Variants in CAMSAP3 observed in about 807,000 individuals in gnomAD.
CAMSAP3 encodes calmodulin regulated spectrin associated protein family member 3.
CAMSAP3 carries 34 observed loss-of-function variants against 112.5 expected under a neutral mutation model. The ratio of observed to expected loss-of-function variants is 0.30; its 90% CI spans 0.23 to 0.40. CAMSAP3 has a LOEUF of 0.40. Among genes scored for constraint, CAMSAP3 ranks in the 10% least tolerant of loss-of-function variants. The pLI is 1.00. For synonymous variants in CAMSAP3, 868 were observed against 799.8 expected (o/e 1.09, Z -1.44); for missense variants, 1,602 against 1,770.3 (o/e 0.90, Z 1.71).
intron 14 of CAMSAP3, 36 bp downstream of exon 14, chr19:7,616,658 G>A (rs775210485): frequency 2.3e-5 from 34 of 1,505,794 alleles, no homozygotes; most frequent in African/African-American, 2.7e-5. Flanking sequence ...TTCGTATGCC[G>A]GGTGGCTTCC....
Position 7,616,611 on chromosome 19 carries a change from G to A in CAMSAP3, c.3201G>A (p.Arg1067=). 1 of 1,607,384 alleles carries A rather than the reference G, an allele frequency of 6.2e-7. No individual in the cohort carries two copies. The part of the protein sequence containing the change: ...NEAHNNLGVK[R]PTSRAPSPSG... Reference sequence around the variant, plus strand: ...CCCACAATAACCTCGGGGTGAAGAGGCCCACGTCTCGGTGAGTTTAGCCCG... The same window carrying A: ...CCCACAATAACCTCGGGGTGAAGAGACCCACGTCTCGGTGAGTTTAGCCCG... The change falls in exon 14 of 17, where the codon AGG becomes AGA. Residue 1067 remains arginine, a synonymous_variant. Transcript: ENST00000160298.
chr19:7,611,577 G>A lies in CAMSAP3; in HGVS notation c.1184G>A (p.Arg395Gln), dbSNP rs199938213. ...GAGGCCCTGGGCAAGGCCTGGAACC[G>A]GCAGCTCAGGTGAGTAGACCTCACA... is the stretch of plus-strand genomic sequence containing the variant. ...HMEALGKAWN[R>Q]QLSRPLSQAV... Residue 395 changes from arginine (R) to glutamine (Q), a missense_variant, in exon 10 of 17, where the codon CGG (arginine) becomes CAG (glutamine). By Grantham distance (43) the Arg-to-Gln change is conservative. Around this residue, in one of 6 missense-constraint regions of CAMSAP3, gnomAD observed 1,100 missense variants for 1,135.7 expected, o/e 0.97. Coordinates refer to ENST00000160298, the MANE Select transcript of CAMSAP3 (RefSeq NM_020902.2). The surrounding 1 kb of genome is among the most constrained non-coding windows in gnomAD (Gnocchi z 6.9). 16 of 1,612,310 alleles carry A rather than the reference G, an allele frequency of 9.9e-6. No individual in the cohort carries two copies. In the Middle Eastern group the frequency reaches 1.2e-3, roughly 116 times the overall value.
rs751808920 is a variant in CAMSAP3, at chr19:7,612,439, C to G, written c.1946C>G (p.Ala649Gly). Residue 649 changes from alanine to glycine, a missense_variant, in exon 11 of 17, where the codon GCG (alanine) becomes GGG (glycine). Physicochemically the swap from Ala to Gly is moderately conservative, Grantham distance 60. Coordinates refer to ENST00000160298, the MANE Select transcript of CAMSAP3 (RefSeq NM_020902.2). ...CAGCCGCGGGAAGCCTCTGGGGAGG[C>G]GGAAGCAGAGGCGGAGGAGGCCGAT... Reference protein sequence around the residue: ...QVQPREASGEAEAEAEEADSG... With the variant: ...QVQPREASGEGEAEAEEADSG... The G allele has an allele frequency of 1.6e-5, 25 of 1,589,450 alleles. No homozygotes were observed. Among genetic ancestry groups the G allele is most frequent in the Non-Finnish European group, 1.0e-5 (12 of 1,170,368 alleles).
chr19:7,606,221 T>C (rs751466037), intron 2 of CAMSAP3, 50 bp from the exon 3 acceptor site: 2 of 1,340,356 alleles, frequency 1.5e-6, no homozygotes, highest in Non-Finnish European at 2.0e-6. Flanking sequence ...GGGGCCGAGG[T>C]GCGCCTCCTG....
Position 7,617,234 on chromosome 19 carries a change from T to C in CAMSAP3, c.3213-92T>C. On this transcript the variant is annotated intron_variant, in intron 14 of 16. Coordinates refer to ENST00000160298, the MANE Select transcript of CAMSAP3 (RefSeq NM_020902.2). This position sits in a 1 kb window ranked among gnomAD's most constrained non-coding sequence, Gnocchi z 7.5. ...GCCCAGCCGTGGCCCTTATTTTCCTTGGCCCCTCTGCACATAGGGAAGCTT... is the reference window on the plus strand; with the variant it reads ...GCCCAGCCGTGGCCCTTATTTTCCTCGGCCCCTCTGCACATAGGGAAGCTT... 2 of 903,708 alleles carry C rather than the reference T, an allele frequency of 2.2e-6. No individual in the cohort carries two copies. Among genetic ancestry groups the C allele is most frequent in the East Asian group, 4.9e-5 (2 of 41,182 alleles). 56.0% of individuals were successfully genotyped at this position (903,708 alleles called of 1,614,324 possible).
At chr19:7,596,846 C>G (rs1599336435) in intron 1 of CAMSAP3, among the ~76,000 whole-genome samples, 1 of 152,062 alleles carries the variant, frequency 6.6e-6, no homozygotes, top group East Asian at 1.9e-4. Flanking sequence ...CTGGGGTGGG[C>G]CCCCCGCTCC....
Position 7,615,373 on chromosome 19 carries a change from C to T in CAMSAP3, c.2811-45C>T, listed in dbSNP as rs2030723869. 6.5e-7 allele frequency: 1 copy of T among 1,532,872 alleles called. No individual in the cohort carries two copies. 95.0% of individuals were successfully genotyped at this position (1,532,872 alleles called of 1,614,324 possible). Reference sequence around the variant, plus strand: ...CCGCTCCTTGGCCTGTCTGCCACCGCGGACCCCGTGAGCGGTTCTGATGCC... The same window carrying T: ...CCGCTCCTTGGCCTGTCTGCCACCGTGGACCCCGTGAGCGGTTCTGATGCC... On this transcript the variant is annotated intron_variant, in intron 12 of 16. Transcript: ENST00000160298. The surrounding 1 kb of genome is among the most constrained non-coding windows in gnomAD (Gnocchi z 6.5).
At position 7,611,485 on chromosome 19, in the gene CAMSAP3, T is replaced by C; in HGVS notation, c.1124-32T>C. Reference sequence around the variant, plus strand: ...CTGACCCCACTCAGGGTTCCCAGGGTCCCCATAGTGACCACTCATCGCCTC... The same window carrying C: ...CTGACCCCACTCAGGGTTCCCAGGGCCCCCATAGTGACCACTCATCGCCTC... On this transcript the variant is annotated intron_variant, in intron 9 of 16. Coordinates refer to ENST00000160298, the MANE Select transcript of CAMSAP3 (RefSeq NM_020902.2). This position sits in a 1 kb window ranked among gnomAD's most constrained non-coding sequence, Gnocchi z 6.9. 2 of 1,577,612 alleles carry C rather than the reference T, an allele frequency of 1.3e-6. No homozygotes were observed. The highest frequency in any genetic ancestry group is 1.7e-6 in the Non-Finnish European group (2 of 1,161,288).
At position 7,605,422 on chromosome 19, in the gene CAMSAP3, T is replaced by C; in HGVS notation, c.345T>C (p.Pro115=). The change falls in exon 2 of 17, where the codon CCT becomes CCC. Residue 115 remains proline (P), a synonymous_variant. Transcript: ENST00000160298. ...TGCTGGCGCGGAGGGGCACAGTGCCTGCTTTGCCCGAGCGCCCGGTGCGCG... is the reference window on the plus strand; with the variant it reads ...TGCTGGCGCGGAGGGGCACAGTGCCCGCTTTGCCCGAGCGCCCGGTGCGCG... ...LALLARRGTV[P]ALPERPVREA... is the part of the protein sequence containing the mutation. The C allele has an allele frequency of 6.8e-7, 1 of 1,474,670 alleles. No individual in the cohort carries two copies. Among genetic ancestry groups the C allele is most frequent in the Non-Finnish European group, 9.0e-7 (1 of 1,109,368 alleles). 91.3% of individuals were successfully genotyped at this position (1,474,670 alleles called of 1,614,324 possible).
intron 1 of CAMSAP3, among the ~76,000 whole-genome samples, chr19:7,603,004 G>T (rs931293576): frequency 4.6e-5 from 7 of 151,968 alleles, no homozygotes; most frequent in African/African-American, 1.2e-4. Flanking sequence ...AAGATGAGAG[G>T]GGCAAAAAGA....
rs2030735204 is a variant in CAMSAP3 at position 7,615,524 on chromosome 19, C to T, written c.2917C>T (p.Arg973Trp). The change falls in exon 13 of 17, where the codon CGG (arginine) becomes TGG (tryptophan). Residue 973 changes from arginine to tryptophan, a missense_variant. Physicochemically the swap from Arg to Trp is moderately radical, Grantham distance 101. Around this residue, in one of 6 missense-constraint regions of CAMSAP3, gnomAD observed 1,100 missense variants for 1,135.7 expected, o/e 0.97. Coordinates refer to ENST00000160298, the MANE Select transcript of CAMSAP3 (RefSeq NM_020902.2). The surrounding 1 kb of genome is among the most constrained non-coding windows in gnomAD (Gnocchi z 6.5). ...TCCAGCCGAGGAGGAGGTGGGCCCC[C>T]GGAAGGGGGACTTCACGCGGCAGGA... is the stretch of plus-strand genomic sequence containing the variant. Reference protein sequence around the residue: ...RAPAEEEVGPRKGDFTRQEYE... With the variant: ...RAPAEEEVGPWKGDFTRQEYE... The T allele has an allele frequency of 1.8e-5, 27 of 1,534,910 alleles. No individual in the cohort carries two copies. The highest frequency in any genetic ancestry group is 2.4e-5 in the Non-Finnish European group (27 of 1,143,134).
In CAMSAP3 at chr19:7,617,377, C is replaced by A. The variant is rs528931068; in HGVS notation, c.3264C>A (p.Arg1088=). ...LMSPSRLPGS[R]ERDWENGSNA... is the part of the protein sequence containing the mutation. ...CCCCAAGCCGCCTGCCTGGAAGCCG[C>A]GAACGGGACTGGGAAAATGGCAGCA... is the stretch of plus-strand genomic sequence containing the variant. Residue 1088 remains arginine (R), a synonymous_variant, in exon 15 of 17, where the codon CGC becomes CGA. Coordinates refer to ENST00000160298, the MANE Select transcript of CAMSAP3 (RefSeq NM_020902.2). The surrounding 1 kb of genome is among the most constrained non-coding windows in gnomAD (Gnocchi z 7.5). 4 of 1,614,138 alleles carry A rather than the reference C, an allele frequency of 2.5e-6. No individual in the cohort carries two copies. Among genetic ancestry groups the A allele is most frequent in the South Asian group, 1.1e-5 (1 of 91,088 alleles).
Position 7,610,783 on chromosome 19 carries a change from C to T in CAMSAP3, c.984C>T (p.Pro328=), listed in dbSNP as rs200028004. 123 of 1,613,346 alleles carry T rather than the reference C, an allele frequency of 7.6e-5. 1 individual carries two copies. The highest frequency in any genetic ancestry group is 3.3e-4 in the Middle Eastern group (2 of 6,040). ...KPDFVQVKDL[P]DGHAASPRGT... Reference sequence around the variant, plus strand: ...ACTTTGTGCAAGTGAAGGACTTGCCCGATGGTCACGGTGAGGCCCTGGGGG... The same window carrying T: ...ACTTTGTGCAAGTGAAGGACTTGCCTGATGGTCACGGTGAGGCCCTGGGGG... The change falls in exon 7 of 17, where the codon CCC becomes CCT. Residue 328 remains proline, a synonymous_variant. Transcript: ENST00000160298. The surrounding 1 kb of genome is among the most constrained non-coding windows in gnomAD (Gnocchi z 4.9).
rs1315772497 is a variant in CAMSAP3, at chr19:7,616,720, C to CGG, written c.3212+98_3212+99insGG. ...TGGGTGAACCTAGAGGGCGGTATGG[C>CGG]TCGAGTTTATGGATACGCCATGAAG... On this transcript the variant is annotated intron_variant, in intron 14 of 16. Coordinates refer to ENST00000160298, the MANE Select transcript of CAMSAP3 (RefSeq NM_020902.2). The CGG allele has an allele frequency of 8.2e-6, 7 of 851,974 alleles. No individual in the cohort carries two copies. In the Admixed American group the frequency reaches 1.4e-4, roughly 17 times the overall value. 52.8% of individuals were successfully genotyped at this position (851,974 alleles called of 1,614,324 possible).
intron 11 of CAMSAP3, among the ~76,000 whole-genome samples, chr19:7,614,146 G>A (rs1162052480): frequency 6.7e-6 from 1 of 149,830 alleles, no homozygotes; most frequent in Non-Finnish European, 1.5e-5. Context: ...TGTAGTCCCA[G>A]CTACTCAGGA....
Position 7,616,464 on chromosome 19 carries a change from C to T in CAMSAP3, c.3113-59C>T, listed in dbSNP as rs1177527226. On this transcript the variant is annotated intron_variant, in intron 13 of 16. Transcript: ENST00000160298. ...GTGTTCCCCCCACAGCCTGCTGGAC[C>T]GGGTGTTGTGGAGGGCAGGGGCTTC... The T allele has an allele frequency of 1.9e-5, 23 of 1,187,070 alleles. No individual in the cohort carries two copies. In the East Asian group the frequency reaches 2.4e-4, roughly 12 times the overall value. The allele number at this position is 1,187,070 out of a possible 1,614,324, so 73.5% of individuals were successfully genotyped here. A position where few individuals can be genotyped will look rare whatever the true frequency, so the allele number is the denominator to read the frequency against.
chr19:7,602,087 A>G (rs912001527), intron 1 of CAMSAP3, among the ~76,000 whole-genome samples: 11 of 152,154 alleles, frequency 7.2e-5, no homozygotes, highest in African/African-American at 2.2e-4. Flanking sequence ...GAAAAATAGA[A>G]TAAGTTTATA....
rs1233116172 is a variant in CAMSAP3 at position 7,611,301 on chromosome 19, G to C, written c.1123+133G>C. 3.1e-6 allele frequency: 3 copies of C among 972,568 alleles called. No individual in the cohort carries two copies. The highest frequency in any genetic ancestry group is 4.7e-6 in the Non-Finnish European group (3 of 641,920). 60.2% of individuals were successfully genotyped at this position (972,568 alleles called of 1,614,324 possible). A position where few individuals can be genotyped will look rare whatever the true frequency, so the allele number is the denominator to read the frequency against. ...AGATCCCCCTTGGGCATCCCAAAGT[G>C]ACCCCCAGAATGGCCTCCCCAGTGG... On this transcript the variant is annotated intron_variant, in intron 9 of 16. Coordinates refer to ENST00000160298, the MANE Select transcript of CAMSAP3 (RefSeq NM_020902.2). The surrounding 1 kb of genome is among the most constrained non-coding windows in gnomAD (Gnocchi z 6.9).
At chr19:7,613,833 C>G (rs1241807280) in intron 11 of CAMSAP3, among the ~76,000 whole-genome samples, 1 of 152,134 alleles carries the variant, frequency 6.6e-6, no homozygotes, top group Non-Finnish European at 1.5e-5. Context: ...TCTCTCCATT[C>G]CCATGGCTTT....
Sources: gnomAD v4.1 joint callset for allele counts (sites outside exome capture counted in the v4.1 genomes callset) on GRCh38, gnomAD v4.1.1 for gene constraint, gnomAD v4.1.1 regional missense constraint, Gnocchi (gnomAD v3.1) non-coding constraint, MANE v1.5 for transcripts, NCBI Gene and HGNC (gene_info 2026-07-23, HGNC 2026-07-21) for gene names.